Variants in DPYSL5 observed in about 807,000 individuals in gnomAD.
The protein encoded by DPYSL5 is dihydropyrimidinase-related protein 5.
A neutral mutation model predicts 58.4 loss-of-function variants in DPYSL5; 9 were observed. The observed-to-expected ratio is 0.15, with a 90% CI of 0.09 to 0.27. The LOEUF (loss-of-function observed/expected upper bound fraction) is 0.27. Ranked by LOEUF, DPYSL5 falls within the 10% of genes least tolerant of loss-of-function variation. The pLI is 1.00. For missense variants in DPYSL5, 499 were observed against 770.6 expected, an observed-to-expected ratio of 0.65 and a Z score of 4.17; for synonymous variants, 293 against 301.9, an observed-to-expected ratio of 0.97 and a Z score of 0.31.
chr2:26,903,321 C>T (rs1269918897), intron 2 of DPYSL5, among the ~76,000 whole-genome samples: 7 of 152,178 alleles, frequency 4.6e-5, no homozygotes, highest in African/African-American at 7.2e-5. Context: ...CCACCCGCTT[C>T]GGCCTCCCAA....
intron 5 of DPYSL5, among the ~76,000 whole-genome samples, chr2:26,931,203 GTATATATATATA>G (rs373034710): frequency 2.2e-5 from 1 of 44,934 alleles, no homozygotes; most frequent in Admixed American, 2.3e-4. Context: ...GTGTGTGTGT[GTATATATATATA>G]TATATATATA....
intron 1 of DPYSL5, among the ~76,000 whole-genome samples, chr2:26,867,048 ACT>A (rs982726913): frequency 1.3e-5 from 2 of 151,182 alleles, no homozygotes; most frequent in African/African-American, 4.9e-5. Context: ...AATTAATGAG[ACT>A]CTTTGTCTCA....
rs1241321948 is a variant in DPYSL5, at chr2:26,898,086, G to A, written c.-4-410G>A. On this transcript the variant is annotated intron_variant, in intron 1 of 12. Coordinates refer to ENST00000288699, the MANE Select transcript of DPYSL5 (RefSeq NM_020134.4). This position sits in a 1 kb window ranked among gnomAD's most constrained non-coding sequence, Gnocchi z 6.1. ...TTTGTTGTATAAGACATGTGGGTTC[G>A]ACTTGGCTACTTGATAACCATAAAT... Among the ~76,000 whole-genome samples, 1 of 152,134 alleles carries A rather than the reference G, an allele frequency of 6.6e-6. No homozygotes were observed. The highest frequency in any genetic ancestry group is 2.1e-4 in the South Asian group (1 of 4,830).
chr2:26,896,226 T>C (rs894557754), intron 1 of DPYSL5, among the ~76,000 whole-genome samples: 1 of 152,184 alleles, frequency 6.6e-6, no homozygotes, highest in Non-Finnish European at 1.5e-5. Context: ...GACCTCCCCC[T>C]TTTTTATGGC....
At position 26,933,125 on chromosome 2, in the gene DPYSL5, T is replaced by G; in HGVS notation, c.715-133T>G. 1.3e-6 allele frequency: 1 copy of G among 778,886 alleles called. No individual in the cohort carries two copies. 48.2% of individuals were successfully genotyped at this position (778,886 alleles called of 1,614,324 possible). On this transcript the variant is annotated intron_variant, in intron 6 of 12. Transcript: ENST00000288699. The surrounding 1 kb of genome is among the most constrained non-coding windows in gnomAD (Gnocchi z 4.2). ...AGCCCTGCATTCTCCGCTTAAGGAC[T>G]GTCACCTTGAGGGTGGGGTTGAGTG...
chr2:26,912,065 C>T (rs1664453389), intron 2 of DPYSL5, among the ~76,000 whole-genome samples: 1 of 152,246 alleles, frequency 6.6e-6, no homozygotes, highest in Non-Finnish European at 1.5e-5. Context: ...ATCCCCCAAC[C>T]CCTCTGCAAT....
rs1664070448 is a variant in DPYSL5 at position 26,898,452 on chromosome 2, A to G, written c.-4-44A>G. ...ATAGGAGGGATGGGAAACTGGAAACAGTGAGAAGGGACTTTGACCTTGACC... is the reference window on the plus strand; with the variant it reads ...ATAGGAGGGATGGGAAACTGGAAACGGTGAGAAGGGACTTTGACCTTGACC... On this transcript the variant is annotated intron_variant, in intron 1 of 12. Coordinates refer to ENST00000288699, the MANE Select transcript of DPYSL5 (RefSeq NM_020134.4). The surrounding 1 kb of genome is among the most constrained non-coding windows in gnomAD (Gnocchi z 6.1). 1 of 1,593,256 alleles carries G rather than the reference A, an allele frequency of 6.3e-7. No individual in the cohort carries two copies. Among genetic ancestry groups the G allele is most frequent in the Non-Finnish European group, 8.6e-7 (1 of 1,166,762 alleles).
rs1273856703 is a variant in DPYSL5, at chr2:26,934,432, C to A, written c.791-146C>A. ...GGAGGCTCTCTGGGCTTGAACCCAG[C>A]TGTGCTCTTAAAAGCCCTGTGAGCT... On this transcript the variant is annotated intron_variant, in intron 7 of 12. Transcript: ENST00000288699. This position sits in a 1 kb window ranked among gnomAD's most constrained non-coding sequence, Gnocchi z 4.3. 4.2e-6 allele frequency: 4 copies of A among 947,332 alleles called. No individual in the cohort carries two copies. The highest frequency in any genetic ancestry group is 6.2e-6 in the Non-Finnish European group (4 of 648,838). The allele number at this position is 947,332 out of a possible 1,614,324, so 58.7% of individuals were successfully genotyped here.
chr2:26,889,333 G>A (rs139752340), intron 1 of DPYSL5, among the ~76,000 whole-genome samples: 1,905 of 151,622 alleles, frequency 0.013, 38 homozygotes, highest in African/African-American at 0.043. Flanking sequence ...GCAGTGGTGC[G>A]ATCTCAGCTC....
chr2:26,884,520 T>TCTCACACACACACACACACA (rs35489206), intron 1 of DPYSL5, among the ~76,000 whole-genome samples: 7 of 145,632 alleles, frequency 4.8e-5, no homozygotes, highest in African/African-American at 1.8e-4. Flanking sequence ...TTGTCCTATC[T>TCTCACACACACACACACACA]CACACACACA....
chr2:26,908,534 G>T (rs964709452), intron 2 of DPYSL5, among the ~76,000 whole-genome samples: 1 of 152,202 alleles, frequency 6.6e-6, no homozygotes, highest in Admixed American at 6.5e-5. Flanking sequence ...GAACTGATGT[G>T]AATGAGGAGA....
chr2:26,931,197 G>GTATATATATATATATATA (rs1345488521), intron 5 of DPYSL5, among the ~76,000 whole-genome samples: 7 of 52,498 alleles, frequency 1.3e-4, no homozygotes, highest in Non-Finnish European at 1.8e-4. Context: ...GTGTGTGTGT[G>GTATATATATATATATATA]TGTGTGTATA....
chr2:26,885,473 G>T (rs1663693333), intron 1 of DPYSL5, among the ~76,000 whole-genome samples: 1 of 152,138 alleles, frequency 6.6e-6, no homozygotes, highest in African/African-American at 2.4e-5. Flanking sequence ...ATGGTCCCCA[G>T]GTACAAACGC....
chr2:26,924,753 G>A lies in DPYSL5; in HGVS notation c.262-134G>A, dbSNP rs1029506537. ...GGCTCTTTACAGTTTCCCAAACCTC[G>A]CTGCCCTTGGTCCTCACAGCCTCTT... On this transcript the variant is annotated intron_variant, in intron 2 of 12. Coordinates refer to ENST00000288699, the MANE Select transcript of DPYSL5 (RefSeq NM_020134.4). This position sits in a 1 kb window ranked among gnomAD's most constrained non-coding sequence, Gnocchi z 4.7. 27 of 1,264,478 alleles carry A rather than the reference G, an allele frequency of 2.1e-5. No individual in the cohort carries two copies. The highest frequency in any genetic ancestry group is 1.6e-4 in the East Asian group (6 of 36,602). The allele number at this position is 1,264,478 out of a possible 1,614,324, so 78.3% of individuals were successfully genotyped here.
intron 1 of DPYSL5, among the ~76,000 whole-genome samples, chr2:26,897,460 A>G (rs1664048311): frequency 6.6e-6 from 1 of 152,218 alleles, no homozygotes. Context: ...GGTGGATTAC[A>G]CTGATTGTTT....
At chr2:26,860,566 C>T (rs973910160) in intron 1 of DPYSL5, among the ~76,000 whole-genome samples, 4 of 152,136 alleles carry the variant, frequency 2.6e-5, no homozygotes, top group Non-Finnish European at 4.4e-5. Context: ...AGCACATGTG[C>T]TTGATGAAAA....
intron 8 of DPYSL5, chr2:26,939,806 T>G (rs1024102700): frequency 1.9e-6 from 1 of 536,090 alleles, no homozygotes; most frequent in Non-Finnish European, 3.3e-6. Flanking sequence ...CACTGAAGTC[T>G]CCTGTGACAC....
chr2:26,867,588 T>C (rs1218551561), intron 1 of DPYSL5, among the ~76,000 whole-genome samples: 2 of 151,080 alleles, frequency 1.3e-5, no homozygotes, highest in African/African-American at 4.9e-5. Flanking sequence ...CCCAAGTAGC[T>C]GGGACTACAG....
chr2:26,863,737 C>T lies in DPYSL5; in HGVS notation c.-5+15483C>T, dbSNP rs185254257. ...GTTTCTTCCACTACCATCTCTTCCC[C>T]AACCCTCCAGCCCCTGGCAACCACT... is the stretch of plus-strand genomic sequence containing the variant. On this transcript the variant is annotated intron_variant, in intron 1 of 12. Coordinates refer to ENST00000288699, the MANE Select transcript of DPYSL5 (RefSeq NM_020134.4). 4.8e-3 allele frequency among the ~76,000 whole-genome samples: 726 copies of T among 152,296 alleles called. 5 individuals are homozygous for T. The highest frequency in any genetic ancestry group is 7.9e-3 in the Non-Finnish European group (539 of 68,024).
Sources: gnomAD v4.1 joint callset for allele counts (sites outside exome capture counted in the v4.1 genomes callset) on GRCh38, gnomAD v4.1.1 for gene constraint, Gnocchi (gnomAD v3.1) non-coding constraint, MANE v1.5 for transcripts, NCBI Gene and HGNC (gene_info 2026-07-23, HGNC 2026-07-21) for gene names.